SLC6A6: variants seen among roughly 807,000 people sequenced by gnomAD.
SLC6A6 encodes the protein solute carrier family 6 member 6.
In SLC6A6, 16 loss-of-function variants were observed where a neutral mutation model predicts 68.8. That is an observed-to-expected ratio of 0.23 (90% CI 0.16 to 0.35). The LOEUF (loss-of-function observed/expected upper bound fraction) is 0.35. SLC6A6 is among the 10% of genes least tolerant of loss of function. The pLI, the probability that SLC6A6 is intolerant of heterozygous loss-of-function variation, is 1.00. For missense variants in SLC6A6, 474 were observed against 802.8 expected (o/e 0.59, Z 4.95); for synonymous variants, 312 against 315.4 (o/e 0.99, Z 0.12).
chr3:14,408,317 T>C (rs894239840), intron 1 of SLC6A6, among the ~76,000 whole-genome samples: 2 of 152,102 alleles, frequency 1.3e-5, no homozygotes, highest in Non-Finnish European at 2.9e-5. Flanking sequence ...CCTGCCTGAT[T>C]GACAGTCTAT....
intron 2 of SLC6A6, among the ~76,000 whole-genome samples, chr3:14,428,890 G>A (rs1699660647): frequency 6.6e-6 from 1 of 152,200 alleles, no homozygotes; most frequent in Non-Finnish European, 1.5e-5. Context: ...CCTCTCTGCT[G>A]GGTGACAGTG....
intron 3 of SLC6A6, chr3:14,444,126 T>G (rs1160593253): frequency 2.4e-6 from 1 of 415,936 alleles, no homozygotes; most frequent in Non-Finnish European, 4.4e-6. Flanking sequence ...GTCCTCCAGT[T>G]TGCCACCTCC....
intron 1 of SLC6A6, among the ~76,000 whole-genome samples, chr3:14,403,396 G>A (rs1431704086): frequency 2.0e-5 from 3 of 152,148 alleles, no homozygotes; most frequent in Non-Finnish European, 2.9e-5. Flanking sequence ...CCAGGCCCTG[G>A]CTAGGTGCAC....
intron 2 of SLC6A6, among the ~76,000 whole-genome samples, chr3:14,434,216 T>A (rs1202354085): frequency 6.6e-6 from 1 of 152,196 alleles, no homozygotes; most frequent in Non-Finnish European, 1.5e-5. Context: ...CCTGGGCAAG[T>A]GGCTTTACTT....
rs41284011 is a variant in SLC6A6 at position 14,443,802 on chromosome 3, C to G, written c.168C>G (p.Gly56=). 92 of 1,612,600 alleles carry G rather than the reference C, an allele frequency of 5.7e-5. No individual in the cohort carries two copies. The highest frequency in any genetic ancestry group is 2.8e-4 in the Admixed American group (17 of 59,986). The change falls in exon 3 of 15, where the codon GGC becomes GGG. Residue 56 remains glycine, a synonymous_variant. Coordinates refer to ENST00000622186, the MANE Select transcript of SLC6A6 (RefSeq NM_003043.6). ...SKIDFVLSVA[G]GFVGLGNVWR... ...TCGACTTTGTGCTCTCTGTGGCTGGCGGCTTCGTGGGCTTGGGCAACGTCT... is the reference window on the plus strand; with the variant it reads ...TCGACTTTGTGCTCTCTGTGGCTGGGGGCTTCGTGGGCTTGGGCAACGTCT...
rs139359732 is a variant in SLC6A6, at chr3:14,460,679, G to A, written c.732+2597G>A. On this transcript the variant is annotated intron_variant, in intron 6 of 14. Coordinates refer to ENST00000622186, the MANE Select transcript of SLC6A6 (RefSeq NM_003043.6). Reference sequence around the variant, plus strand: ...AGGGTGCCAGGCTGCAGCTGTGGCCGAGCAAAGACGTGATCTTCCACGGGT... The same window carrying A: ...AGGGTGCCAGGCTGCAGCTGTGGCCAAGCAAAGACGTGATCTTCCACGGGT... Among the ~76,000 whole-genome samples the A allele has an allele frequency of 8.7e-3, 1,321 of 152,344 alleles. 20 individuals are homozygous for A. Among genetic ancestry groups the A allele is most frequent in the African/African-American group, 0.029 (1,196 of 41,570 alleles).
In SLC6A6 at chr3:14,476,523, C is replaced by T. The variant is rs187738938; in HGVS notation, c.1210-682C>T. Among the ~76,000 whole-genome samples, 522 of 152,342 alleles carry T rather than the reference C, an allele frequency of 3.4e-3. 4 individuals are homozygous for T. The highest frequency in any genetic ancestry group is 3.7e-3 in the Non-Finnish European group (254 of 68,032). The stretch of plus-strand genomic sequence containing the variant: ...CTGGAGTCCCAGGCAGCACACACAG[C>T]GTGTGTGCGCACATGCAAAGTCCTC... On this transcript the variant is annotated intron_variant, in intron 10 of 14. Coordinates refer to ENST00000622186, the MANE Select transcript of SLC6A6 (RefSeq NM_003043.6).
chr3:14,481,692 G>A lies in SLC6A6; in HGVS notation c.1573G>A (p.Val525Ile), dbSNP rs554946637. ...LCVGCFIFSL[V>I]KYVPLTYNKT... ...GCAGGGATGTTTCATCTTCTCGCTC[G>A]TCAAGTACGTACCCCTGACCTACAA... The change falls in exon 14 of 15, where the codon GTC becomes ATC. Residue 525 changes from valine (V) to isoleucine (I), a missense_variant. Coordinates refer to ENST00000622186, the MANE Select transcript of SLC6A6 (RefSeq NM_003043.6). This position sits in a 1 kb window ranked among gnomAD's most constrained non-coding sequence, Gnocchi z 4.7. The A allele has an allele frequency of 3.8e-5, 62 of 1,612,380 alleles. No individual in the cohort carries two copies. In the East Asian group the frequency reaches 4.2e-4, roughly 11 times the overall value.
chr3:14,463,908 C>T (rs1056730260), intron 6 of SLC6A6, among the ~76,000 whole-genome samples: 5 of 152,230 alleles, frequency 3.3e-5, no homozygotes, highest in African/African-American at 1.2e-4. Flanking sequence ...TGAATGCTCA[C>T]CGCAGGCCAG....
At chr3:14,448,381 G>T (rs1700179044) in intron 5 of SLC6A6, among the ~76,000 whole-genome samples, 1 of 152,126 alleles carries the variant, frequency 6.6e-6, no homozygotes. Context: ...TTCTGGTCTT[G>T]GTCTCCTCCA....
chr3:14,458,400 T>G (rs1700418810), intron 6 of SLC6A6, among the ~76,000 whole-genome samples: 1 of 152,224 alleles, frequency 6.6e-6, no homozygotes, highest in Admixed American at 6.5e-5. Flanking sequence ...AGCTTTCTCA[T>G]CTCAAGGTAT....
rs920640463 is a variant in SLC6A6, at chr3:14,486,732, C to T, written c.*1725C>T. 2 of 152,596 alleles carry T rather than the reference C, an allele frequency of 1.3e-5. No homozygotes were observed. Among genetic ancestry groups the T allele is most frequent in the Admixed American group, 6.5e-5 (1 of 15,286 alleles). The allele number at this position is 152,596 out of a possible 1,614,324, so 9.5% of individuals were successfully genotyped here. Reference sequence around the variant, plus strand: ...GGTGCAGACCGCAGAATTTTCACAGCAGGGGCTCTTGGAACCCTGGAAACC... The same window carrying T: ...GGTGCAGACCGCAGAATTTTCACAGTAGGGGCTCTTGGAACCCTGGAAACC... On this transcript the variant is annotated 3_prime_UTR_variant, in exon 15 of 15. Transcript: ENST00000622186.
In SLC6A6 at chr3:14,439,680, T is replaced by C. The variant is rs373824445; in HGVS notation, c.-11-3944T>C. On this transcript the variant is annotated intron_variant, in intron 2 of 14. Coordinates refer to ENST00000622186, the MANE Select transcript of SLC6A6 (RefSeq NM_003043.6). The stretch of plus-strand genomic sequence containing the variant: ...GGCCCAGTGCCAAGGAAAACAGCCC[T>C]TGTCGGCGGGTGCAGGGACGCCTGT... 1.4e-4 allele frequency among the ~76,000 whole-genome samples: 22 copies of C among 152,318 alleles called. 1 individual carries two copies. The South Asian group carries it at 4.6e-3, about 32-fold the overall frequency.
intron 7 of SLC6A6, among the ~76,000 whole-genome samples, chr3:14,467,622 C>G (rs80016947): frequency 0.015 from 2,244 of 152,330 alleles, 67 homozygotes; most frequent in African/African-American, 0.051. Flanking sequence ...TCTGAATCCT[C>G]TTAACCCTGA....
intron 2 of SLC6A6, among the ~76,000 whole-genome samples, chr3:14,425,766 G>A (rs1699581858): frequency 6.6e-6 from 1 of 152,140 alleles, no homozygotes; most frequent in South Asian, 2.1e-4. Flanking sequence ...TGTGGGTTGG[G>A]AGACTACCCA....
At chr3:14,447,283 A>T (rs1163590987) in intron 4 of SLC6A6, among the ~76,000 whole-genome samples, 1 of 151,530 alleles carries the variant, frequency 6.6e-6, no homozygotes. Flanking sequence ...CAACCATCCA[A>T]CCATCCAATC....
intron 6 of SLC6A6, among the ~76,000 whole-genome samples, chr3:14,459,603 C>G (rs9833018): frequency 6.6e-6 from 1 of 152,080 alleles, no homozygotes; most frequent in South Asian, 2.1e-4. Flanking sequence ...CCGGAACAGG[C>G]GGGAGCAGGG....
intron 5 of SLC6A6, among the ~76,000 whole-genome samples, chr3:14,452,560 A>G (rs1449099391): frequency 1.3e-5 from 2 of 152,130 alleles, no homozygotes; most frequent in Non-Finnish European, 2.9e-5. Context: ...GCCCAAGTCC[A>G]TGGTCACAGG....
At chr3:14,413,687 G>C (rs1388331799) in intron 1 of SLC6A6, among the ~76,000 whole-genome samples, 1 of 152,072 alleles carries the variant, frequency 6.6e-6, no homozygotes, top group African/African-American at 2.4e-5. Context: ...TGACCTCTCT[G>C]GCTGTGTGCC....
Sources: allele counts gnomAD v4.1 joint callset (sites outside exome capture counted in the v4.1 genomes callset), GRCh38; gene constraint gnomAD v4.1.1; non-coding constraint Gnocchi (gnomAD v3.1); transcripts MANE v1.5; gene names NCBI Gene and HGNC (gene_info 2026-07-23, HGNC 2026-07-21).